MYH7B: variants seen among roughly 807,000 people sequenced by gnomAD.
The protein encoded by MYH7B is myosin-7B.
MYH7B carries 205 observed loss-of-function variants against 234.5 expected under a neutral mutation model. The ratio of observed to expected loss-of-function variants is 0.87; its 90% CI spans 0.78 to 0.98. The LOEUF is 0.98. Among genes scored for constraint, MYH7B ranks in the 50% least tolerant of loss-of-function variants. MYH7B has a pLI of 0.00. For missense variants in MYH7B, 2,652 were observed against 2,633.4 expected (o/e 1.01, Z -0.15); for synonymous variants, 1,193 against 1,105.0 (o/e 1.08, Z -1.58).
chr20:34,996,356 T>C, exon 29 of MYH7B: 1 of 1,591,984 alleles, frequency 6.3e-7, no homozygotes, highest in Non-Finnish European at 8.5e-7. Flanking sequence ...GTGAAGAACC[T>C]GACGGAAGAG....
At position 34,998,370 on chromosome 20, in the gene MYH7B, C is replaced by T. The variant is rs766880642; in HGVS notation, c.3823C>T (p.Arg1275Trp). 6.8e-6 allele frequency: 11 copies of T among 1,613,682 alleles called. No homozygotes were observed. Among genetic ancestry groups the T allele is most frequent in the African/African-American group, 2.7e-5 (2 of 75,076 alleles). ...CAAGATCAAGGTGGAGGAGCTGCAG[C>T]GGCAGCTGGCGGACGCAAGCACGCA... The change falls in exon 33 of 45, where the codon CGG (arginine) becomes TGG (tryptophan). Residue 1275 changes from arginine to tryptophan, a missense_variant. Physicochemically the swap from Arg to Trp is moderately radical, Grantham distance 101. Transcript: ENST00000262873.
intron 7 of MYH7B, chr20:34,980,065 A>G: frequency 1.9e-6 from 1 of 523,706 alleles, no homozygotes; most frequent in Non-Finnish European, 3.5e-6. Flanking sequence ...TCTAGAACTC[A>G]CCTGCGGACT....
chr20:34,999,760 CCACCCT>C, intron 37 of MYH7B, 25 bp from the exon 38 acceptor site: 1 of 1,112,150 alleles, frequency 9.0e-7, no homozygotes, highest in Non-Finnish European at 1.2e-6. Context: ...TCCCCCCCCC[CCACCCT>C]ACCCTGCCTG....
chr20:34,996,183 T>C (rs1459341959), intron 28 of MYH7B, among the ~76,000 whole-genome samples, 163 bp from the exon 29 acceptor site: 1 of 152,140 alleles, frequency 6.6e-6, no homozygotes, highest in South Asian at 2.1e-4. Flanking sequence ...TACAACCCCA[T>C]GAGGAGGGTC....
chr20:34,978,031 A>T, exon 5 of MYH7B: 1 of 1,614,018 alleles, frequency 6.2e-7, no homozygotes, highest in Non-Finnish European at 8.5e-7. Context: ...GAACTTGGGG[A>T]GTCTGCCCGC....
chr20:34,987,279 G>A (rs936292317), exon 16 of MYH7B: 3 of 1,610,730 alleles, frequency 1.9e-6, no homozygotes, highest in Non-Finnish European at 2.5e-6. Flanking sequence ...GAGGCCGATG[G>A]CACTGAGAGT....
At chr20:34,991,378 T>C (rs538581621) in intron 24 of MYH7B, among the ~76,000 whole-genome samples, 1 of 152,316 alleles carries the variant, frequency 6.6e-6, no homozygotes, top group South Asian at 2.1e-4. Context: ...CATGGAATTC[T>C]GGATGCAGAA....
At chr20:34,979,216 G>T (rs2081902501) in intron 5 of MYH7B, among the ~76,000 whole-genome samples, 174 bp from the exon 6 acceptor site, 1 of 152,158 alleles carries the variant, frequency 6.6e-6, no homozygotes, top group Non-Finnish European at 1.5e-5. Flanking sequence ...GACCCTCCCA[G>T]CTCCGCCCTT....
chr20:34,999,421 C>A lies in MYH7B; in HGVS notation c.4540+16C>A, dbSNP rs371214764. 1 of 1,508,650 alleles carries A rather than the reference C, an allele frequency of 6.6e-7. No homozygotes were observed. The highest frequency in any genetic ancestry group is 8.9e-7 in the Non-Finnish European group (1 of 1,129,154). The allele number at this position is 1,508,650 out of a possible 1,614,324, so 93.5% of individuals were successfully genotyped here. A position where few individuals can be genotyped will look rare whatever the true frequency, so the allele number is the denominator to read the frequency against. On this transcript the variant is annotated intron_variant, in intron 36 of 44. Coordinates refer to ENST00000262873, the Ensembl canonical transcript of MYH7B. Reference sequence around the variant, plus strand: ...AACCTGCAGGGTAGGACCTGCCACACGCCAGGGCCAGGGTGCTGCCCTGGG... The same window carrying A: ...AACCTGCAGGGTAGGACCTGCCACAAGCCAGGGCCAGGGTGCTGCCCTGGG...
exon 45 of MYH7B, chr20:35,002,305 GCCCTGAATAAACACCACAGCCAGTTT>G: frequency 8.3e-7 from 1 of 1,209,992 alleles, no homozygotes. Flanking sequence ...CCTTCCCTGG[GCCCTGAATAAACACCACAGCCAGTTT>G]CCTTCTCATT....
At chr20:34,977,738 G>GGGGGGGGGGGGGGGGCCCCCC in intron 4 of MYH7B, 58 bp downstream of exon 4, 1 of 317,144 alleles carries the variant, frequency 3.2e-6, no homozygotes, top group Non-Finnish European at 5.9e-6. Flanking sequence ...GGGCGGGTGG[G>GGGGGGGGGGGGGGGGCCCCCC]TGAGGGTGCC....
intron 9 of MYH7B, chr20:34,982,169 T>G: frequency 5.6e-6 from 2 of 355,500 alleles, no homozygotes; most frequent in African/African-American, 2.2e-5. Flanking sequence ...AAAATGGGGG[T>G]GATAATGGAG....
intron 1 of MYH7B, among the ~76,000 whole-genome samples, chr20:34,956,435 C>T (rs908362174): frequency 6.6e-6 from 1 of 152,104 alleles, no homozygotes; most frequent in African/African-American, 2.4e-5. Flanking sequence ...ATGATTCCTA[C>T]CCCCCACCTC....
At chr20:34,981,140 G>A in intron 9 of MYH7B, 80 bp downstream of exon 9, 1 of 1,572,192 alleles carries the variant, frequency 6.4e-7, no homozygotes, top group South Asian at 1.1e-5. Context: ...TCATTTCCCA[G>A]GATTGAATCC....
chr20:34,995,488 G>A (rs1248827108), exon 28 of MYH7B: 3 of 1,614,082 alleles, frequency 1.9e-6, no homozygotes, highest in Non-Finnish European at 2.5e-6. Flanking sequence ...GCAAGCTGGA[G>A]GACGAGTGCA....
chr20:34,981,083 G>A, intron 9 of MYH7B, 23 bp downstream of exon 9: 1 of 1,613,258 alleles, frequency 6.2e-7, no homozygotes, highest in Non-Finnish European at 8.5e-7. Context: ...CTCTGGGGGT[G>A]GGGTGGAAAA....
In MYH7B at chr20:35,001,146, G is replaced by A. The variant is rs749507189; in HGVS notation, c.5463G>A (p.Lys1821=). 4 of 1,613,638 alleles carry A rather than the reference G, an allele frequency of 2.5e-6. No homozygotes were observed. The Admixed American group carries it at 6.7e-5, about 27-fold the overall frequency. The change falls in exon 41 of 45, where the codon AAG becomes AAA. Residue 1821 remains lysine, a synonymous_variant. Transcript: ENST00000262873. Reference sequence around the variant, plus strand: ...GTGGCGGGAAGAAGCAGGTGCAGAAGCTGGAGGCCAAGGTGTGTGCAGCCC... The same window carrying A: ...GTGGCGGGAAGAAGCAGGTGCAGAAACTGGAGGCCAAGGTGTGTGCAGCCC...
At chr20:34,957,193 G>A (rs1416660722) in intron 1 of MYH7B, among the ~76,000 whole-genome samples, 2 of 152,224 alleles carry the variant, frequency 1.3e-5, no homozygotes, top group Non-Finnish European at 2.9e-5. Context: ...GGCTTGGAGA[G>A]GTAGCCTCAG....
chr20:34,979,866 G>T, intron 7 of MYH7B, 62 bp downstream of exon 7: 1 of 1,566,024 alleles, frequency 6.4e-7, no homozygotes. Flanking sequence ...GGCTAGAGAT[G>T]AGGTGCTGGG....
Sources: allele counts gnomAD v4.1 joint callset (sites outside exome capture counted in the v4.1 genomes callset), GRCh38; gene constraint gnomAD v4.1.1; transcripts MANE v1.5; gene names NCBI Gene and HGNC (gene_info 2026-07-23, HGNC 2026-07-21).